Variants in HELLS observed in about 807,000 individuals in gnomAD.
HELLS encodes the protein helicase, lymphoid specific, also known as lymphoid-specific helicase.
A neutral mutation model predicts 120.0 loss-of-function variants in HELLS; 32 were observed. The observed-to-expected ratio is 0.27, with a 90% CI of 0.20 to 0.36. The LOEUF (loss-of-function observed/expected upper bound fraction) is 0.36, where lower values mean the gene tolerates loss of function less well. Ranked by LOEUF, HELLS falls within the 10% of genes least tolerant of loss-of-function variation. The pLI, the probability that HELLS is intolerant of heterozygous loss-of-function variation, is 1.00. For missense variants in HELLS, 650 were observed against 993.4 expected (o/e 0.65, Z 4.65); for synonymous variants, 341 against 323.4 (o/e 1.05, Z -0.58).
chr10:94,571,519 T>G (rs1295502529), intron 7 of HELLS, 90 bp downstream of exon 7: 2 of 1,052,612 alleles, frequency 1.9e-6, no homozygotes, highest in Admixed American at 5.5e-5. Flanking sequence ...GTATACGTTC[T>G]TCTCACTATT....
chr10:94,572,072 TA>T (rs1327997972), intron 7 of HELLS, among the ~76,000 whole-genome samples: 1 of 152,206 alleles, frequency 6.6e-6, no homozygotes, highest in East Asian at 1.9e-4. Context: ...TTTGGTCATA[TA>T]ATTTTGTCCA....
Position 94,558,182 on chromosome 10 carries a change from T to C in HELLS, c.320T>C (p.Leu107Ser). ...AAATTGGAGAGAAAAAAGGAGTCTTTAAAAGTTAAAAAGGTAATATAGCCA... is the reference window on the plus strand; with the variant it reads ...AAATTGGAGAGAAAAAAGGAGTCTTCAAAAGTTAAAAAGGTAATATAGCCA... Reference protein sequence around the residue: ...KEKLERKKESLKVKKGKNSID... With the variant: ...KEKLERKKESSKVKKGKNSID... The change falls in exon 4 of 22, where the codon TTA becomes TCA. Residue 107 changes from leucine to serine, a missense_variant. By Grantham distance (145) the Leu-to-Ser change is moderately radical. Transcript: ENST00000348459. The C allele has an allele frequency of 1.9e-6, 3 of 1,565,246 alleles. No homozygotes were observed. Among genetic ancestry groups the C allele is most frequent in the Non-Finnish European group, 2.6e-6 (3 of 1,163,682 alleles).
intron 2 of HELLS, among the ~76,000 whole-genome samples, chr10:94,551,583 T>C (rs1330180340): frequency 6.6e-6 from 1 of 151,408 alleles, no homozygotes; most frequent in African/African-American, 2.4e-5. Flanking sequence ...GAAAAAGAAA[T>C]ATATTTTGAA....
intron 17 of HELLS, among the ~76,000 whole-genome samples, chr10:94,592,752 G>C (rs756131324): frequency 1.3e-5 from 2 of 150,812 alleles, no homozygotes; most frequent in Admixed American, 1.3e-4. Context: ...AACCATCACT[G>C]TAAGAATATT....
intron 9 of HELLS, among the ~76,000 whole-genome samples, chr10:94,575,676 C>T (rs1435268716): frequency 7.3e-5 from 11 of 151,122 alleles, no homozygotes; most frequent in Non-Finnish European, 1.5e-5. Context: ...CCACCTTGGC[C>T]TCCCACAGTG....
intron 21 of HELLS, among the ~76,000 whole-genome samples, chr10:94,599,622 G>A (rs541500703): frequency 6.6e-6 from 1 of 152,176 alleles, no homozygotes; most frequent in Non-Finnish European, 1.5e-5. Context: ...CTCCTAAAGT[G>A]CTGGCATTAT....
At chr10:94,555,631 T>C (rs988511964) in intron 3 of HELLS, among the ~76,000 whole-genome samples, 4 of 152,144 alleles carry the variant, frequency 2.6e-5, no homozygotes, top group Non-Finnish European at 5.9e-5. Flanking sequence ...TCTTTCTTTC[T>C]TTCTTTCTTT....
chr10:94,569,334 C>A (rs1290290912), intron 6 of HELLS: 1 of 151,984 alleles, frequency 6.6e-6, no homozygotes, highest in Non-Finnish European at 1.5e-5. Context: ...AAGTGCCCAC[C>A]ACCACGCCCA....
chr10:94,560,742 A>T (rs1297700234), intron 4 of HELLS, among the ~76,000 whole-genome samples: 1 of 151,500 alleles, frequency 6.6e-6, no homozygotes, highest in Non-Finnish European at 1.5e-5. Context: ...ATACTGAGTC[A>T]CTGAGAGAGA....
intron 6 of HELLS, among the ~76,000 whole-genome samples, chr10:94,564,818 C>A (rs1843711431): frequency 6.6e-6 from 1 of 152,072 alleles, no homozygotes; most frequent in Non-Finnish European, 1.5e-5. Context: ...TGGTCTTGAA[C>A]TACTGACCTC....
At position 94,573,968 on chromosome 10, in the gene HELLS, C is replaced by G; in HGVS notation, c.486C>G (p.Asn162Lys). ...KKNKKENEDE[N>K]SSSTNLCVED... ...ACTTTTTTTCTCTACAGGATGAAAA[C>G]TCCTCCTCTACTAATCTCTGTGTGG... is the stretch of plus-strand genomic sequence containing the variant. The change falls in exon 8 of 22, where the codon AAC becomes AAG. Residue 162 changes from asparagine (N) to lysine (K), a missense_variant. By Grantham distance (94) the Asn-to-Lys change is moderately conservative. This residue lies in a region of HELLS where 113 missense variants were observed against 120.7 expected (regional missense o/e 0.94). Coordinates refer to ENST00000348459, the MANE Select transcript of HELLS (RefSeq NM_018063.5). The G allele has an allele frequency of 6.3e-7, 1 of 1,592,238 alleles. No homozygotes were observed. The highest frequency in any genetic ancestry group is 8.6e-7 in the Non-Finnish European group (1 of 1,162,050).
downstream of HELLS, among the ~76,000 whole-genome samples, chr10:94,607,047 C>G (rs965448505): frequency 7.9e-5 from 12 of 152,168 alleles, no homozygotes; most frequent in African/African-American, 2.9e-4. Context: ...TTTTACTGTT[C>G]AAAATGTAGA....
At chr10:94,569,870 T>A (rs1338369258) in intron 6 of HELLS, 1 of 152,178 alleles carries the variant, frequency 6.6e-6, no homozygotes, top group African/African-American at 2.4e-5. Flanking sequence ...TCATCTTTTT[T>A]AAGAAACATT....
At chr10:94,552,359 A>G (rs1843025209) in intron 2 of HELLS, among the ~76,000 whole-genome samples, 1 of 152,184 alleles carries the variant, frequency 6.6e-6, no homozygotes, top group African/African-American at 2.4e-5. Flanking sequence ...GTGTTGCTTA[A>G]AGCAGGAACT....
Position 94,592,306 on chromosome 10 carries a change from T to C in HELLS, c.1845T>C (p.Gly615=). The C allele has an allele frequency of 2.5e-6, 4 of 1,607,906 alleles. No homozygotes were observed. Among genetic ancestry groups the C allele is most frequent in the Non-Finnish European group, 3.4e-6 (4 of 1,177,472 alleles). ...DRMLPELKKR[G]HKVLLFSQMT... is the part of the protein sequence containing the mutation. Reference sequence around the variant, plus strand: ...TGCTGCCAGAACTAAAAAAAAGAGGTCACAAGGTGGTACTTTTGATTGGAA... The same window carrying C: ...TGCTGCCAGAACTAAAAAAAAGAGGCCACAAGGTGGTACTTTTGATTGGAA... The change falls in exon 16 of 22, where the codon GGT becomes GGC. Residue 615 remains glycine, a synonymous_variant. Transcript: ENST00000348459.
intron 10 of HELLS, among the ~76,000 whole-genome samples, chr10:94,580,108 A>G (rs1388327876): frequency 8.9e-6 from 1 of 112,648 alleles, no homozygotes; most frequent in African/African-American, 3.5e-5. Flanking sequence ...TCACATACCC[A>G]TTATAAAAGT....
intron 10 of HELLS, among the ~76,000 whole-genome samples, chr10:94,579,305 A>G (rs1589740099): frequency 2.0e-5 from 3 of 146,798 alleles, no homozygotes; most frequent in South Asian, 4.3e-4. Context: ...GGTTCACACC[A>G]TTCTCCTGCC....
chr10:94,553,264 T>C (rs1438094721), intron 2 of HELLS, among the ~76,000 whole-genome samples: 1 of 152,048 alleles, frequency 6.6e-6, no homozygotes, highest in Non-Finnish European at 1.5e-5. Context: ...TTTTTTTTTT[T>C]TCCGGACGGA....
At chr10:94,588,077 TG>T (rs1356626232) in intron 12 of HELLS, 151 bp from the exon 13 acceptor site, 7 of 464,832 alleles carry the variant, frequency 1.5e-5, no homozygotes, top group Non-Finnish European at 2.6e-5. Flanking sequence ...TGGTCTGGTC[TG>T]GGAAAATCTC....
Sources: allele counts gnomAD v4.1 joint callset (sites outside exome capture counted in the v4.1 genomes callset), GRCh38; gene constraint gnomAD v4.1.1; regional missense constraint gnomAD v4.1.1; transcripts MANE v1.5; gene names NCBI Gene and HGNC (gene_info 2026-07-23, HGNC 2026-07-21).